The following SETX variants were observed in gnomAD, a reference collection of about 807,000 sequenced individuals.
SETX encodes the protein helicase senataxin.
A neutral mutation model predicts 227.2 loss-of-function variants in SETX; 90 were observed. The ratio of observed to expected loss-of-function variants is 0.40; its 90% CI spans 0.33 to 0.47. The LOEUF (loss-of-function observed/expected upper bound fraction) is 0.47, where lower values mean the gene tolerates loss of function less well. SETX is among the 20% of genes least tolerant of loss of function. The pLI, the probability that SETX is intolerant of heterozygous loss-of-function variation, is 0.91. For missense variants in SETX, 3,052 were observed against 3,181.5 expected (o/e 0.96, Z 0.98); for synonymous variants, 1,210 against 1,113.2 (o/e 1.09, Z -1.73).
chr9:132,275,109 T>C, intron 23 of SETX, 147 bp downstream of exon 23: 1 of 818,968 alleles, frequency 1.2e-6, no homozygotes, highest in Admixed American at 2.0e-5. Context: ...CACAAGTCTA[T>C]GAAAGCCAGC....
At chr9:132,308,739 T>C (rs1845476357) in intron 11 of SETX, among the ~76,000 whole-genome samples, 1 of 152,222 alleles carries the variant, frequency 6.6e-6, no homozygotes, top group South Asian at 2.1e-4. Flanking sequence ...ACCTTATTCA[T>C]GAATTAGAAA....
intron 3 of SETX, among the ~76,000 whole-genome samples, chr9:132,348,215 C>T (rs564205989): frequency 6.6e-6 from 1 of 151,344 alleles, no homozygotes; most frequent in African/African-American, 2.4e-5. Flanking sequence ...AAAAATTAGC[C>T]GGGTGTGGTG....
At chr9:132,277,018 A>C (rs1324366418) in intron 22 of SETX, 42 bp downstream of exon 22, 1 of 1,493,964 alleles carries the variant, frequency 6.7e-7, no homozygotes, top group African/African-American at 1.4e-5. Flanking sequence ...TCATGTAACA[A>C]TTCTGGGACT....
chr9:132,314,275 A>G (rs1307911383), intron 10 of SETX, among the ~76,000 whole-genome samples: 1 of 152,130 alleles, frequency 6.6e-6, no homozygotes, highest in Non-Finnish European at 1.5e-5. Flanking sequence ...TATTTTTAGT[A>G]GAGACAGAGT....
At chr9:132,281,416 A>AT in intron 20 of SETX, 51 bp downstream of exon 20, 1 of 1,423,736 alleles carries the variant, frequency 7.0e-7, no homozygotes. Context: ...GAAAACAAAA[A>AT]TTTTAAAAAG....
At chr9:132,283,664 C>A (rs1843667893) in intron 18 of SETX, among the ~76,000 whole-genome samples, 1 of 152,070 alleles carries the variant, frequency 6.6e-6, no homozygotes, top group Non-Finnish European at 1.5e-5. Context: ...AATTTTTATC[C>A]AGGGTTTGAT....
chr9:132,306,440 G>A (rs1057397797), intron 11 of SETX, among the ~76,000 whole-genome samples: 3 of 152,132 alleles, frequency 2.0e-5, no homozygotes, highest in South Asian at 4.1e-4. Flanking sequence ...TCGAACTCCC[G>A]ACCTCAGGTG....
intron 12 of SETX, 138 bp downstream of exon 12, chr9:132,300,492 G>GAAT (rs1844928773): frequency 2.3e-6 from 2 of 867,702 alleles, no homozygotes; most frequent in Non-Finnish European, 3.8e-6. Flanking sequence ...AAGAGACTCT[G>GAAT]AATGGCCATG....
Position 132,298,302 on chromosome 9 carries a change from C to T in SETX, c.5559G>A (p.Gly1853=), listed in dbSNP as rs1386476392. The T allele has an allele frequency of 1.2e-6, 2 of 1,613,816 alleles. No homozygotes were observed. The stretch of plus-strand genomic sequence containing the variant: ...GGATGGAAAGGTAACACTCAGTTTT[C>T]CCATTACGCACTATCATCAAGAAAG... The part of the protein sequence containing the change: ...KFRRTSVMRN[G]KTECYLSIQT... Residue 1853 remains glycine (G), a synonymous_variant, in exon 13 of 26, where the codon GGG becomes GGA. Coordinates refer to ENST00000224140, the MANE Select transcript of SETX (RefSeq NM_015046.7).
chr9:132,311,395 T>G (rs903305845), intron 11 of SETX, among the ~76,000 whole-genome samples: 3 of 152,140 alleles, frequency 2.0e-5, no homozygotes, highest in African/African-American at 7.2e-5. Flanking sequence ...AAAAGTGGTA[T>G]GTGGTTCGGA....
intron 4 of SETX, among the ~76,000 whole-genome samples, chr9:132,343,507 A>C (rs1848116326): frequency 6.6e-6 from 1 of 152,222 alleles, no homozygotes; most frequent in Non-Finnish European, 1.5e-5. Context: ...CCCCTAAGTT[A>C]CTAGCTATCC....
chr9:132,343,032 C>T (rs1482943613), intron 4 of SETX, among the ~76,000 whole-genome samples: 1 of 152,052 alleles, frequency 6.6e-6, no homozygotes, highest in Non-Finnish European at 1.5e-5. Context: ...GAATAGATCC[C>T]TTTTTTGCCG....
intron 3 of SETX, among the ~76,000 whole-genome samples, chr9:132,348,786 A>G (rs1395905211): frequency 6.6e-6 from 1 of 151,830 alleles, no homozygotes; most frequent in Non-Finnish European, 1.5e-5. Context: ...AAATTAGCAG[A>G]GCATGGTGGC....
chr9:132,352,793 C>A (rs1040769646), intron 2 of SETX, among the ~76,000 whole-genome samples: 1 of 152,196 alleles, frequency 6.6e-6, no homozygotes, highest in Admixed American at 6.5e-5. Flanking sequence ...GACCAGAACC[C>A]AACGAAGTCC....
chr9:132,336,559 T>C, intron 5 of SETX, 44 bp from the exon 6 acceptor site: 1 of 1,345,066 alleles, frequency 7.4e-7, no homozygotes, highest in Non-Finnish European at 1.1e-6. Flanking sequence ...TAAACAATGG[T>C]CTACAAACAG....
rs1173238878 is a variant in SETX at position 132,327,419 on chromosome 9, C to T, written c.4179G>A (p.Arg1393=). ...NSDIFVPESD[R]SDYNCTGGTE... ...TTCCTCCTGTACAATTATAATCTGA[C>T]CTATCAGATTCTGGTACAAATATGT... Residue 1393 remains arginine (R), a synonymous_variant, in exon 10 of 26, where the codon AGG becomes AGA. Transcript: ENST00000224140. The T allele has an allele frequency of 2.5e-6, 4 of 1,613,956 alleles. No homozygotes were observed. The highest frequency in any genetic ancestry group is 3.4e-6 in the Non-Finnish European group (4 of 1,179,830).
chr9:132,303,136 G>C (rs558507361), intron 11 of SETX, among the ~76,000 whole-genome samples: 2 of 152,064 alleles, frequency 1.3e-5, no homozygotes, highest in Admixed American at 6.6e-5. Context: ...TCCTGCCTCA[G>C]CCTCCCATGT....
chr9:132,354,426 G>A (rs530524658), intron 1 of SETX, among the ~76,000 whole-genome samples: 1 of 148,332 alleles, frequency 6.7e-6, no homozygotes, highest in South Asian at 2.1e-4. Context: ...AGCCCAGGAA[G>A]ACGAGGTTGC....
At chr9:132,269,748 C>T (rs1451734466) in intron 24 of SETX, 46 bp from the exon 25 acceptor site, 2 of 1,586,422 alleles carry the variant, frequency 1.3e-6, no homozygotes, top group Non-Finnish European at 8.7e-7. Context: ...AATGACTTAA[C>T]ATGCCCATGT....
Sources: allele counts gnomAD v4.1 joint callset (sites outside exome capture counted in the v4.1 genomes callset), GRCh38; gene constraint gnomAD v4.1.1; transcripts MANE v1.5; gene names NCBI Gene and HGNC (gene_info 2026-07-23, HGNC 2026-07-21).